MYH3: variants seen among roughly 807,000 people sequenced by gnomAD.
MYH3 encodes the protein myosin heavy chain 3.
Under a neutral mutation model 238.0 loss-of-function variants are expected in MYH3, and 130 were observed. That is an observed-to-expected ratio of 0.55 (90% CI 0.47 to 0.63). The LOEUF is 0.63. MYH3 is among the 30% of genes least tolerant of loss of function. MYH3 has a pLI of 0.00. For missense variants in MYH3, 1,853 were observed against 2,374.9 expected (o/e 0.78, Z 4.57); for synonymous variants, 880 against 924.1 (o/e 0.95, Z 0.86).
At chr17:10,643,069 T>C in intron 14 of MYH3, 73 bp from the exon 15 acceptor site, 1 of 1,612,758 alleles carries the variant, frequency 6.2e-7, no homozygotes. Flanking sequence ...ACATTCCTCC[T>C]CATTGCCCCA....
Position 10,629,898 on chromosome 17 carries a change from G to C in MYH3, c.5602C>G (p.Leu1868Val). The C allele has an allele frequency of 1.9e-6, 3 of 1,614,176 alleles. No individual in the cohort carries two copies. Among genetic ancestry groups the C allele is most frequent in the Non-Finnish European group, 2.5e-6 (3 of 1,180,030 alleles). The change falls in exon 39 of 41, where the codon CTG becomes GTG. Residue 1868 changes from leucine to valine, a missense_variant. Leu to Val is a conservative substitution (Grantham distance 32). Around this residue, in one of 3 missense-constraint regions of MYH3, gnomAD observed 1,044 missense variants for 1,192.6 expected, o/e 0.88. Coordinates refer to ENST00000583535, the MANE Select transcript of MYH3 (RefSeq NM_002470.4). ...DRKNVLRLQD[L>V]VDKLQVKVKS... Reference sequence around the variant, plus strand: ...ACTTTCACTTGCAGTTTATCCACCAGATCCTGCAATCTCAGCACATTCTTC... The same window carrying C: ...ACTTTCACTTGCAGTTTATCCACCACATCCTGCAATCTCAGCACATTCTTC...
the MYH3 span, among the ~76,000 whole-genome samples, chr17:10,665,563 T>C: frequency 7.2e-5 from 11 of 152,308 alleles, no homozygotes; most frequent in East Asian, 1.9e-3. Flanking sequence ...AAAGACTCTA[T>C]AGCAATAGAG....
At chr17:10,648,114 A>G (rs2074341098) in intron 8 of MYH3, among the ~76,000 whole-genome samples, 1 of 152,056 alleles carries the variant, frequency 6.6e-6, no homozygotes, top group African/African-American at 2.4e-5. Flanking sequence ...CCACATGACC[A>G]GGTCTCTCTC....
chr17:10,654,548 T>G lies in MYH3; in HGVS notation c.204+313A>C, dbSNP rs558731868. Among the ~76,000 whole-genome samples the G allele has an allele frequency of 2.6e-5, 4 of 152,374 alleles. No homozygotes were observed. In the East Asian group the frequency reaches 7.7e-4, roughly 29 times the overall value. ...GTTCTGAAACAGCGCTCATTCATGT[T>G]GAACTCCCAACTCCACACCCTTGGG... On this transcript the variant is annotated intron_variant, in intron 3 of 40. Coordinates refer to ENST00000583535, the MANE Select transcript of MYH3 (RefSeq NM_002470.4). This position sits in a 1 kb window ranked among gnomAD's most constrained non-coding sequence, Gnocchi z 4.5.
At chr17:10,653,539 G>A (rs938732762) in intron 3 of MYH3, among the ~76,000 whole-genome samples, 1 of 152,116 alleles carries the variant, frequency 6.6e-6, no homozygotes, top group Non-Finnish European at 1.5e-5. Flanking sequence ...GCACCATGAG[G>A]CAGAGCAGTG....
the MYH3 span, among the ~76,000 whole-genome samples, chr17:10,664,701 T>C: frequency 6.6e-6 from 1 of 152,014 alleles, no homozygotes; most frequent in Non-Finnish European, 1.5e-5. Context: ...ACCCCGTATC[T>C]ATGGTGGGGC....
At position 10,631,746 on chromosome 17, in the gene MYH3, G is replaced by C; in HGVS notation, c.5161-10C>G. ...GGATGAGGCTGGTGTTCTAGGGCAA[G>C]AGGAGGGCTGTTAACCAGGTGCGTA... is the stretch of plus-strand genomic sequence containing the variant. On this transcript the variant is annotated splice_polypyrimidine_tract_variant and intron_variant, in intron 35 of 40. Transcript: ENST00000583535. 1.2e-6 allele frequency: 2 copies of C among 1,614,168 alleles called. No homozygotes were observed.
At chr17:10,668,898 T>C in the MYH3 span, among the ~76,000 whole-genome samples, 1 of 152,248 alleles carries the variant, frequency 6.6e-6, no homozygotes, top group African/African-American at 2.4e-5. Context: ...TCTCTTAAGA[T>C]GTTAATGTTT....
At chr17:10,644,208 C>A in intron 14 of MYH3, 143 bp downstream of exon 14, 2 of 852,392 alleles carry the variant, frequency 2.3e-6, no homozygotes, top group South Asian at 1.5e-5. Flanking sequence ...CAATAAGTAC[C>A]GCTCCTCTAT....
chr17:10,640,772 A>C (rs2142401155), intron 19 of MYH3, 86 bp from the exon 20 acceptor site: 1 of 1,503,336 alleles, frequency 6.7e-7, no homozygotes, highest in Non-Finnish European at 9.1e-7. Flanking sequence ...CTCTTCCTAT[A>C]GGCAGAAGGC....
intron 6 of MYH3, 97 bp downstream of exon 6, chr17:10,650,277 G>A: frequency 7.5e-7 from 1 of 1,327,274 alleles, no homozygotes; most frequent in Non-Finnish European, 1.1e-6. Context: ...CGCCCAGCCT[G>A]ATCTTTTTAT....
Position 10,651,339 on chromosome 17 carries a change from T to A in MYH3, c.505+173A>T, listed in dbSNP as rs569401628. 5.3e-5 allele frequency among the ~76,000 whole-genome samples: 8 copies of A among 152,358 alleles called. No homozygotes were observed. In the South Asian group the frequency reaches 1.7e-3, roughly 32 times the overall value. On this transcript the variant is annotated intron_variant, in intron 5 of 40. Transcript: ENST00000583535. ...TGCATTAAATCCAAAACTCGTCACC[T>A]TGGCATGCGGGGCCCTACATGATGC...
At chr17:10,670,208 C>T in the MYH3 span, among the ~76,000 whole-genome samples, 2 of 152,140 alleles carry the variant, frequency 1.3e-5, no homozygotes, top group African/African-American at 4.8e-5. This position sits in a 1 kb window ranked among gnomAD's most constrained non-coding sequence, Gnocchi z 7.0. Context: ...CAATAAACTC[C>T]AGCATTTCTG....
Position 10,649,691 on chromosome 17 carries a change from CAG to C in MYH3, c.534-8_534-7del, listed in dbSNP as rs1567561261. ...TTCCTGCCCCGGATTCTCCGCTGTA[CAG>C]AGTGATCAAAAGAGAGAGAAAGAAA... On this transcript the variant is annotated splice_region_variant and splice_polypyrimidine_tract_variant and intron_variant, in intron 6 of 40. Transcript: ENST00000583535. 3.7e-6 allele frequency: 6 copies of C among 1,612,794 alleles called. No homozygotes were observed. Among genetic ancestry groups the C allele is most frequent in the Admixed American group, 1.7e-5 (1 of 60,024 alleles).
chr17:10,662,930 C>T, the MYH3 span, among the ~76,000 whole-genome samples: 1 of 151,878 alleles, frequency 6.6e-6, no homozygotes, highest in African/African-American at 2.4e-5. Context: ...CTGCTAAAAA[C>T]ACAAAAATTA....
rs1048161856 is a variant in MYH3, at chr17:10,654,589, C to T, written c.204+272G>A. On this transcript the variant is annotated intron_variant, in intron 3 of 40. Transcript: ENST00000583535. This position sits in a 1 kb window ranked among gnomAD's most constrained non-coding sequence, Gnocchi z 4.5. ...CACCCTTGGGACACGTGGAGCTGGG[C>T]CCCTCTGGCCTACAGTGAACGTGGA... 2.4e-4 allele frequency among the ~76,000 whole-genome samples: 37 copies of T among 152,258 alleles called. No homozygotes were observed. Among genetic ancestry groups the T allele is most frequent in the African/African-American group, 8.2e-4 (34 of 41,470 alleles).
At chr17:10,658,379 A>ATACAC (rs2074454983), upstream of MYH3, among the ~76,000 whole-genome samples, 1 of 152,152 alleles carries the variant, frequency 6.6e-6, no homozygotes, top group Admixed American at 6.6e-5. Flanking sequence ...CAGCAGTACC[A>ATACAC]AGCCCCGAAG....
intron 40 of MYH3, among the ~76,000 whole-genome samples, chr17:10,629,218 C>T (rs1488876139): frequency 6.6e-6 from 1 of 152,068 alleles, no homozygotes; most frequent in Non-Finnish European, 1.5e-5. Context: ...TGTGATGTTC[C>T]CCTCCCTGTG....
intron 1 of MYH3, 25 bp from the exon 2 acceptor site, chr17:10,656,173 C>T (rs1869515230): frequency 6.6e-6 from 1 of 152,254 alleles, no homozygotes; most frequent in Admixed American, 6.5e-5. Context: ...ACATACACAA[C>T]TTAGCGGCAC....
Sources: gnomAD v4.1 joint callset for allele counts (sites outside exome capture counted in the v4.1 genomes callset) on GRCh38, gnomAD v4.1.1 for gene constraint, gnomAD v4.1.1 regional missense constraint, Gnocchi (gnomAD v3.1) non-coding constraint, MANE v1.5 for transcripts, NCBI Gene and HGNC (gene_info 2026-07-23, HGNC 2026-07-21) for gene names.